PDGFC: variants seen among roughly 807,000 people sequenced by gnomAD.
PDGFC encodes the protein platelet-derived growth factor C.
Under a neutral mutation model 35.5 loss-of-function variants are expected in PDGFC, and 12 were observed. That is an observed-to-expected ratio of 0.34 (90% CI 0.22 to 0.55). The LOEUF is 0.55. PDGFC is among the 20% of genes least tolerant of loss of function. PDGFC has a pLI of 0.91. For synonymous variants in PDGFC, 159 were observed against 148.8 expected (o/e 1.07, Z -0.50); for missense variants, 322 against 412.4 (o/e 0.78, Z 1.90).
chr4:156,789,636 T>C (rs1731233900), intron 3 of PDGFC, among the ~76,000 whole-genome samples: 2 of 152,044 alleles, frequency 1.3e-5, no homozygotes, highest in South Asian at 4.1e-4. Context: ...AAGCTGAGGA[T>C]ATATAATCTG....
At chr4:156,838,853 C>T (rs886881466) in intron 2 of PDGFC, among the ~76,000 whole-genome samples, 1 of 152,010 alleles carries the variant, frequency 6.6e-6, no homozygotes, top group Non-Finnish European at 1.5e-5. Flanking sequence ...GGTGATCAGA[C>T]CCAACACCAG....
chr4:156,901,952 T>C (rs963253355), intron 1 of PDGFC, among the ~76,000 whole-genome samples: 1 of 152,192 alleles, frequency 6.6e-6, no homozygotes, highest in African/African-American at 2.4e-5. Context: ...GCTTTGAGCA[T>C]GCTACATTGA....
intron 1 of PDGFC, among the ~76,000 whole-genome samples, chr4:156,871,104 G>A (rs571413729): frequency 3.3e-5 from 5 of 152,142 alleles, no homozygotes; most frequent in African/African-American, 7.2e-5. Flanking sequence ...ATAATCCTTC[G>A]TATTCCTTCC....
intron 1 of PDGFC, among the ~76,000 whole-genome samples, chr4:156,958,570 T>G (rs1732265910): frequency 6.6e-6 from 1 of 152,072 alleles, no homozygotes; most frequent in Non-Finnish European, 1.5e-5. Context: ...CCAACCATGT[T>G]TGACAGAAGT....
At chr4:156,918,712 C>T (rs1050967827) in intron 1 of PDGFC, among the ~76,000 whole-genome samples, 7 of 152,120 alleles carry the variant, frequency 4.6e-5, no homozygotes, top group African/African-American at 1.7e-4. Flanking sequence ...AACCATTCTC[C>T]CCACCCCTGG....
intron 1 of PDGFC, among the ~76,000 whole-genome samples, chr4:156,959,985 A>T (rs571004036): frequency 6.6e-6 from 1 of 152,060 alleles, no homozygotes; most frequent in South Asian, 2.1e-4. Flanking sequence ...AGATGACTTA[A>T]TCACTAATTT....
intron 2 of PDGFC, among the ~76,000 whole-genome samples, chr4:156,845,791 T>C (rs1447656781): frequency 6.6e-6 from 1 of 151,882 alleles, no homozygotes; most frequent in Non-Finnish European, 1.5e-5. Flanking sequence ...AAACATTTAA[T>C]ATGTGTTTAC....
intron 1 of PDGFC, among the ~76,000 whole-genome samples, chr4:156,898,091 T>C (rs990435137): frequency 7.2e-5 from 11 of 152,164 alleles, no homozygotes; most frequent in African/African-American, 2.7e-4. Flanking sequence ...GTGAGGCCTT[T>C]GGGAACAATT....
chr4:156,967,836 A>T (rs1732501208), intron 1 of PDGFC: 1 of 152,248 alleles, frequency 6.6e-6, no homozygotes, highest in Non-Finnish European at 1.5e-5. Flanking sequence ...AGTCAATGTT[A>T]TCTTTTAATC....
intron 2 of PDGFC, among the ~76,000 whole-genome samples, chr4:156,847,091 T>G (rs941724741): frequency 6.6e-6 from 1 of 151,810 alleles, no homozygotes; most frequent in Non-Finnish European, 1.5e-5. Context: ...AAACCTTCTT[T>G]GCTGAAGAAT....
rs189071677 is a variant in PDGFC, at chr4:156,895,615, G to C, written c.119-45199C>G. On this transcript the variant is annotated intron_variant, in intron 1 of 5. Coordinates refer to ENST00000502773, the MANE Select transcript of PDGFC (RefSeq NM_016205.3). Reference sequence around the variant, plus strand: ...CCACTGCACTCCAGCCTGGGCGACAGAGCAAGACTCTGTCTCAGAAAAAAA... The same window carrying C: ...CCACTGCACTCCAGCCTGGGCGACACAGCAAGACTCTGTCTCAGAAAAAAA... Among the ~76,000 whole-genome samples, 680 of 150,236 alleles carry C rather than the reference G, an allele frequency of 4.5e-3. 1 individual carries two copies. Among genetic ancestry groups the C allele is most frequent in the Middle Eastern group, 0.014 (4 of 288 alleles).
intron 4 of PDGFC, among the ~76,000 whole-genome samples, chr4:156,769,007 G>A (rs1327475144): frequency 6.6e-6 from 1 of 151,694 alleles, no homozygotes; most frequent in African/African-American, 2.4e-5. Flanking sequence ...TTACATCTCT[G>A]CCTATTTTTT....
At chr4:156,924,368 T>C (rs1731357692) in intron 1 of PDGFC, among the ~76,000 whole-genome samples, 1 of 152,132 alleles carries the variant, frequency 6.6e-6, no homozygotes, top group African/African-American at 2.4e-5. Context: ...TTGGACATAC[T>C]AAAGTAAGAA....
chr4:156,778,054 A>C (rs982624731), intron 3 of PDGFC: 5 of 175,690 alleles, frequency 2.8e-5, no homozygotes, highest in African/African-American at 1.2e-4. Context: ...CAATGAGCCA[A>C]GACTGGGCCA....
At chr4:156,842,965 C>G (rs1424947358) in intron 2 of PDGFC, among the ~76,000 whole-genome samples, 1 of 152,126 alleles carries the variant, frequency 6.6e-6, no homozygotes, top group Non-Finnish European at 1.5e-5. Flanking sequence ...TTTAAAGCCA[C>G]AGCACTGTAG....
intron 1 of PDGFC, among the ~76,000 whole-genome samples, chr4:156,948,532 T>C (rs1337533258): frequency 1.3e-5 from 2 of 151,952 alleles, no homozygotes; most frequent in South Asian, 4.1e-4. Flanking sequence ...TCCGTTACAA[T>C]AGGAGAAAAT....
chr4:156,879,478 T>C (rs1161244949), intron 1 of PDGFC, among the ~76,000 whole-genome samples: 2 of 152,022 alleles, frequency 1.3e-5, no homozygotes, highest in African/African-American at 4.8e-5. Flanking sequence ...AGCCTAACAG[T>C]GAAAAAGATA....
At chr4:156,821,395 T>A (rs1034906270) in intron 2 of PDGFC, among the ~76,000 whole-genome samples, 1 of 149,182 alleles carries the variant, frequency 6.7e-6, no homozygotes, top group African/African-American at 2.6e-5. Flanking sequence ...ACATCTGAAT[T>A]TTTTTTTCTT....
chr4:156,765,039 G>A (rs1272504143), intron 5 of PDGFC, among the ~76,000 whole-genome samples: 2 of 152,188 alleles, frequency 1.3e-5, no homozygotes, highest in African/African-American at 4.8e-5. Flanking sequence ...GCATGCATAT[G>A]CCAAGATGCA....
Sources: allele counts gnomAD v4.1 joint callset (sites outside exome capture counted in the v4.1 genomes callset), GRCh38; gene constraint gnomAD v4.1.1; transcripts MANE v1.5; gene names NCBI Gene and HGNC (gene_info 2026-07-23, HGNC 2026-07-21).